Variants in PFKM observed in about 807,000 individuals in gnomAD.
PFKM encodes phosphofructokinase, muscle, also known as ATP-dependent 6-phosphofructokinase, muscle type.
Under a neutral mutation model 95.5 loss-of-function variants are expected in PFKM, and 58 were observed. The observed-to-expected ratio is 0.61, with a 90% CI of 0.49 to 0.76. PFKM has a LOEUF of 0.76. Among genes scored for constraint, PFKM ranks in the 30% least tolerant of loss-of-function variants. The pLI is 0.00. For missense variants in PFKM, 678 were observed against 1,005.4 expected (o/e 0.67, Z 4.40); for synonymous variants, 336 against 357.2 (o/e 0.94, Z 0.67).
At chr12:48,105,535 G>A (rs546578203), upstream of PFKM, 6 of 511,684 alleles carry the variant, frequency 1.2e-5, no homozygotes, top group Admixed American at 8.0e-5. Context: ...CACAGAGTAG[G>A]AGAGTTGGAG....
chr12:48,108,057 G>C (rs1162648582), intron 2 of PFKM: 1 of 1,599,086 alleles, frequency 6.3e-7, no homozygotes, highest in Non-Finnish European at 8.5e-7. Flanking sequence ...GTGACCTAAA[G>C]CTATTGTTTC....
chr12:48,138,486 G>A (rs751389499), intron 11 of PFKM, among the ~76,000 whole-genome samples: 12 of 152,034 alleles, frequency 7.9e-5, no homozygotes, highest in African/African-American at 4.8e-5. Context: ...CCCATCTCCC[G>A]GCCTCCTTCT....
chr12:48,138,714 T>C (rs1294777545), intron 11 of PFKM, among the ~76,000 whole-genome samples: 1 of 152,176 alleles, frequency 6.6e-6, no homozygotes, highest in Non-Finnish European at 1.5e-5. Context: ...GAATGGAAGA[T>C]ACTATTTATC....
intron 1 of PFKM, chr12:48,106,218 G>A (rs957781894): frequency 6.1e-6 from 4 of 659,514 alleles, no homozygotes; most frequent in African/African-American, 1.8e-5. Context: ...GGTGTGGCGA[G>A]GCCCGAGAAG....
chr12:48,122,457 A>G (rs1421328639), intron 1 of PFKM: 1 of 566,222 alleles, frequency 1.8e-6, no homozygotes, highest in Non-Finnish European at 2.6e-6. Context: ...TCTCATTTCT[A>G]TTCAGTCAAC....
At chr12:48,130,248 A>G in intron 2 of PFKM, 115 bp from the exon 3 acceptor site, 1 of 795,718 alleles carries the variant, frequency 1.3e-6, no homozygotes, top group Non-Finnish European at 2.3e-6. Flanking sequence ...GATTCAGAGA[A>G]AAGACTAAAT....
intron 1 of PFKM, chr12:48,107,353 C>G (rs987332509): frequency 6.5e-7 from 1 of 1,542,150 alleles, no homozygotes; most frequent in African/African-American, 1.4e-5. Context: ...TAAACTCTGT[C>G]TCTATTTCTA....
rs188151819 is a variant in PFKM at position 48,111,118 on chromosome 12, C to G, written c.205+2924C>G. On this transcript the variant is annotated intron_variant, in intron 3 of 24. Transcript: ENST00000340802. ...ATAAAGCCTCTCCTGTGTATAAAGA[C>G]TTCGATGATGGGCAACCTGCCTAGG... Among the ~76,000 whole-genome samples the G allele has an allele frequency of 9.2e-5, 14 of 152,346 alleles. 1 individual carries two copies. Among genetic ancestry groups the G allele is most frequent in the Admixed American group, 7.8e-4 (12 of 15,302 alleles).
intron 5 of PFKM, 51 bp downstream of exon 5, chr12:48,133,108 C>A: frequency 6.6e-7 from 1 of 1,524,506 alleles, no homozygotes; most frequent in Non-Finnish European, 9.1e-7. Flanking sequence ...TACGTGCACG[C>A]GTGTACACAC....
intron 2 of PFKM, among the ~76,000 whole-genome samples, chr12:48,124,541 C>T (rs549346515): frequency 9.2e-5 from 14 of 152,258 alleles, no homozygotes; most frequent in African/African-American, 3.1e-4. Flanking sequence ...TAGGATTTAA[C>T]TTGGGTCTCA....
At chr12:48,109,234 T>G (rs1404934152) in intron 3 of PFKM, among the ~76,000 whole-genome samples, 1 of 152,174 alleles carries the variant, frequency 6.6e-6, no homozygotes, top group Non-Finnish European at 1.5e-5. Flanking sequence ...ATAACTTTGG[T>G]TCAAAATAAG....
intron 16 of PFKM, 35 bp downstream of exon 16, chr12:48,141,862 C>T: frequency 6.2e-7 from 1 of 1,613,180 alleles, no homozygotes; most frequent in Non-Finnish European, 8.5e-7. Context: ...CTCTCTCCCT[C>T]CTACCTCCTC....
At chr12:48,128,624 C>T (rs1041361446) in intron 2 of PFKM, among the ~76,000 whole-genome samples, 1 of 151,954 alleles carries the variant, frequency 6.6e-6, no homozygotes, top group Non-Finnish European at 1.5e-5. Context: ...CCATGTAATA[C>T]CAACCTGCAA....
At chr12:48,110,585 T>TA (rs981742563) in intron 3 of PFKM, among the ~76,000 whole-genome samples, 1 of 152,048 alleles carries the variant, frequency 6.6e-6, no homozygotes, top group Non-Finnish European at 1.5e-5. Flanking sequence ...TGCCCAAACA[T>TA]AAAAAACCCC....
At chr12:48,143,937 A>G in intron 19 of PFKM, 109 bp from the exon 20 acceptor site, 1 of 1,086,126 alleles carries the variant, frequency 9.2e-7, no homozygotes, top group Non-Finnish European at 1.4e-6. Flanking sequence ...GGGCCAGCCT[A>G]TCCCTTGAAT....
At chr12:48,107,443 C>A in exon 2 of PFKM, 1 of 1,592,736 alleles carries the variant, frequency 6.3e-7, no homozygotes, top group Non-Finnish European at 8.5e-7. Flanking sequence ...AGTCAGGACT[C>A]CTCAGAGAAC....
chr12:48,134,269 C>G lies in PFKM; in HGVS notation c.631C>G (p.His211Asp), dbSNP rs1949836130. The change falls in exon 7 of 23, where the codon CAC (histidine) becomes GAC (aspartate). Residue 211 changes from histidine to aspartate, a missense_variant. Transcript: ENST00000359794. ...ATTTGTGTTAGAAGTAATGGGCCGC[C>G]ACTGTGGGTAAGATCCTCATTCTGA... ...RTFVLEVMGRHCGYLALVTSL... is the reference protein window; with the variant it reads ...RTFVLEVMGRDCGYLALVTSL... 1.2e-6 allele frequency: 2 copies of G among 1,613,378 alleles called. No homozygotes were observed. The highest frequency in any genetic ancestry group is 2.7e-5 in the African/African-American group (2 of 74,908).
Position 48,119,393 on chromosome 12 carries a change from GCTAAGA to G in PFKM, c.-17_-12del. 7.1e-6 allele frequency: 7 copies of G among 985,932 alleles called. No homozygotes were observed. Among genetic ancestry groups the G allele is most frequent in the Non-Finnish European group, 8.4e-6 (7 of 830,258 alleles). The allele number at this position is 985,932 out of a possible 1,614,324, so 61.1% of individuals were successfully genotyped here. On this transcript the variant is annotated 5_prime_UTR_variant, in exon 1 of 23. Transcript: ENST00000359794. ...TGCAAGAAAGCAGCGGCGGAGGAGA[GCTAAGA>G]CTAAAAGGCAAGAGGGGCCATTGAG...
intron 2 of PFKM, among the ~76,000 whole-genome samples, chr12:48,124,181 G>T (rs1242703715): frequency 1.3e-5 from 2 of 152,120 alleles, no homozygotes; most frequent in Non-Finnish European, 2.9e-5. Context: ...TATAGGTTAT[G>T]AATCAGAAAG....
Sources: gnomAD v4.1 joint callset for allele counts (sites outside exome capture counted in the v4.1 genomes callset) on GRCh38, gnomAD v4.1.1 for gene constraint, MANE v1.5 for transcripts, NCBI Gene and HGNC (gene_info 2026-07-23, HGNC 2026-07-21) for gene names.